Variants in NRG1 observed in about 807,000 individuals in gnomAD.
NRG1 encodes neuregulin 1, also known as pro-neuregulin-1, membrane-bound isoform.
In NRG1, 18 loss-of-function variants were observed where a neutral mutation model predicts 63.8. That is an observed-to-expected ratio of 0.28 (90% CI 0.19 to 0.42). The LOEUF is 0.42. NRG1 is among the 10% of genes least tolerant of loss of function. NRG1 has a pLI of 1.00. For missense variants in NRG1, 762 were observed against 814.7 expected, an observed-to-expected ratio of 0.94 and a Z score of 0.79; for synonymous variants, 302 against 301.3, an observed-to-expected ratio of 1.00 and a Z score of -0.02.
chr8:32,243,163 C>G (rs937503947), intron 1 of NRG1, among the ~76,000 whole-genome samples: 1 of 152,148 alleles, frequency 6.6e-6, no homozygotes, highest in Non-Finnish European at 1.5e-5. Flanking sequence ...ATGGCTCACA[C>G]CTGCAATCCC....
chr8:32,476,950 A>G (rs575319554), intron 1 of NRG1, among the ~76,000 whole-genome samples: 36 of 152,270 alleles, frequency 2.4e-4, no homozygotes, highest in African/African-American at 6.5e-4. Flanking sequence ...TATGTAGCAC[A>G]TTATTTACAT....
At chr8:32,555,839 C>G (rs1362056806) in intron 1 of NRG1, among the ~76,000 whole-genome samples, 2 of 152,186 alleles carry the variant, frequency 1.3e-5, no homozygotes, top group Non-Finnish European at 2.9e-5. Context: ...TTAATTCCAC[C>G]CTGTACTTGT....
intron 1 of NRG1, among the ~76,000 whole-genome samples, chr8:32,217,207 C>T (rs973786874): frequency 9.1e-6 from 1 of 109,772 alleles, no homozygotes; most frequent in African/African-American, 4.1e-5. Flanking sequence ...GAGTGAGACC[C>T]TGTCTCAAAA....
intron 1 of NRG1, among the ~76,000 whole-genome samples, chr8:32,566,244 C>G (rs963071112): frequency 2.0e-5 from 3 of 150,430 alleles, no homozygotes; most frequent in Admixed American, 6.8e-5. Context: ...ATAATCCCAG[C>G]TACTTGGGAG....
chr8:32,575,268 G>A (rs1839398825), intron 1 of NRG1, among the ~76,000 whole-genome samples: 1 of 152,110 alleles, frequency 6.6e-6, no homozygotes, highest in Admixed American at 6.5e-5. Flanking sequence ...TTTCTAGGAT[G>A]CATGTTTTAG....
intron 1 of NRG1, among the ~76,000 whole-genome samples, chr8:32,272,464 C>T (rs990911023): frequency 7.9e-5 from 12 of 152,278 alleles, no homozygotes; most frequent in African/African-American, 2.6e-4. Flanking sequence ...TGGACACAAA[C>T]GTTCCATCCA....
chr8:31,858,071 G>A (rs752663283), intron 1 of NRG1, among the ~76,000 whole-genome samples: 5 of 152,140 alleles, frequency 3.3e-5, no homozygotes, highest in East Asian at 1.9e-4. Flanking sequence ...AGGCCGAGGC[G>A]GGCAGATCAT....
intron 1 of NRG1, among the ~76,000 whole-genome samples, chr8:32,152,947 G>A (rs964091301): frequency 6.6e-4 from 100 of 152,286 alleles, no homozygotes; most frequent in African/African-American, 2.3e-3. Flanking sequence ...AGGCTCAAAT[G>A]TAGAGAATAC....
chr8:32,357,937 A>G (rs900892442), intron 1 of NRG1, among the ~76,000 whole-genome samples: 1 of 152,208 alleles, frequency 6.6e-6, no homozygotes, highest in Non-Finnish European at 1.5e-5. Flanking sequence ...CCCAATATTC[A>G]TTAGGAAAAG....
chr8:32,126,772 A>C (rs907503544), intron 1 of NRG1, among the ~76,000 whole-genome samples: 1 of 151,860 alleles, frequency 6.6e-6, no homozygotes, highest in African/African-American at 2.4e-5. Context: ...TAGCTTTTCA[A>C]TTTTCTCTCT....
At chr8:31,705,092 G>A (rs951327036) in intron 1 of NRG1, among the ~76,000 whole-genome samples, 2 of 152,056 alleles carry the variant, frequency 1.3e-5, no homozygotes, top group African/African-American at 2.4e-5. Flanking sequence ...CTGGAGTGCA[G>A]TGGCGCGATC....
intron 1 of NRG1, among the ~76,000 whole-genome samples, chr8:32,582,261 G>C (rs2466065): frequency 0.95 from 143,531 of 151,810 alleles, 68,379 homozygotes; most frequent in East Asian, 1. Flanking sequence ...CCACACCTGG[G>C]TAATTTTTGT....
At chr8:32,298,227 A>C (rs1258345012) in intron 1 of NRG1, among the ~76,000 whole-genome samples, 4 of 152,244 alleles carry the variant, frequency 2.6e-5, no homozygotes, top group African/African-American at 9.6e-5. Context: ...GCATTAAATG[A>C]AGTTAGAAGA....
intron 1 of NRG1, among the ~76,000 whole-genome samples, chr8:31,923,141 G>C (rs1409099106): frequency 6.6e-6 from 1 of 152,044 alleles, no homozygotes; most frequent in African/African-American, 2.4e-5. Flanking sequence ...TTCTTTTTTA[G>C]AAACCTTCAC....
intron 1 of NRG1, among the ~76,000 whole-genome samples, chr8:32,265,197 T>C (rs1364723499): frequency 6.6e-6 from 1 of 151,968 alleles, no homozygotes; most frequent in Non-Finnish European, 1.5e-5. Context: ...TATCTAAGCA[T>C]AGTGGTGTAC....
At chr8:31,869,672 G>A (rs1280030470) in intron 1 of NRG1, among the ~76,000 whole-genome samples, 3 of 152,128 alleles carry the variant, frequency 2.0e-5, no homozygotes, top group Admixed American at 1.3e-4. Flanking sequence ...TAGGTACATA[G>A]GAAATATCTA....
At chr8:32,704,440 GTA>G (rs1262997667) in intron 5 of NRG1, among the ~76,000 whole-genome samples, 3 of 152,132 alleles carry the variant, frequency 2.0e-5, no homozygotes, top group African/African-American at 4.8e-5. Flanking sequence ...AACAACTTCT[GTA>G]TAATGAACTG....
intron 1 of NRG1, among the ~76,000 whole-genome samples, chr8:32,312,249 C>T (rs561080854): frequency 6.7e-6 from 1 of 148,300 alleles, no homozygotes; most frequent in African/African-American, 2.5e-5. Context: ...CTGCATCCTC[C>T]GCCTCCTGGG....
chr8:32,018,900 A>G (rs949175004), intron 1 of NRG1, among the ~76,000 whole-genome samples: 2 of 152,230 alleles, frequency 1.3e-5, no homozygotes, highest in East Asian at 3.9e-4. Context: ...TAATATTGTC[A>G]GTATTTTTAA....
Sources: allele counts gnomAD v4.1 joint callset (sites outside exome capture counted in the v4.1 genomes callset), GRCh38; gene constraint gnomAD v4.1.1; transcripts MANE v1.5; gene names NCBI Gene and HGNC (gene_info 2026-07-23, HGNC 2026-07-21).